TMEM40: variants seen among roughly 807,000 people sequenced by gnomAD.
TMEM40 encodes transmembrane protein 40.
In TMEM40, 34 loss-of-function variants were observed where a neutral mutation model predicts 40.8. The observed-to-expected ratio is 0.83, with a 90% CI of 0.63 to 1.11. TMEM40 has a LOEUF of 1.11. Among genes scored for constraint, TMEM40 ranks in the 50% least tolerant of loss-of-function variants. TMEM40 has a pLI of 0.00. For missense variants in TMEM40, 296 were observed against 280.2 expected (o/e 1.06, Z -0.40); for synonymous variants, 106 against 107.0 (o/e 0.99, Z 0.06).
At chr3:12,742,349 G>A in intron 5 of TMEM40, 105 bp downstream of exon 5, 1 of 1,366,116 alleles carries the variant, frequency 7.3e-7, no homozygotes, top group Non-Finnish European at 1.0e-6. Flanking sequence ...ATTTGGCTGG[G>A]ACTTTTCAGC....
rs1196357619 is a variant in TMEM40, at chr3:12,734,011, C to T, written c.*763G>A. On this transcript the variant is annotated 3_prime_UTR_variant, in exon 12 of 12. Transcript: ENST00000314124. Reference sequence around the variant, plus strand: ...CCCTGAACTCCTGGGCTCAAGCAGTCCTCCTGCCTCAGCCTCTTGAGTAGC... The same window carrying T: ...CCCTGAACTCCTGGGCTCAAGCAGTTCTCCTGCCTCAGCCTCTTGAGTAGC... 1 of 151,672 alleles carries T rather than the reference C, an allele frequency of 6.6e-6. No homozygotes were observed. The highest frequency in any genetic ancestry group is 2.4e-5 in the African/African-American group (1 of 41,210). The allele number at this position is 151,672 out of a possible 1,614,324, so 9.4% of individuals were successfully genotyped here.
chr3:12,737,862 G>T, intron 7 of TMEM40, 108 bp from the exon 8 acceptor site: 1 of 1,190,656 alleles, frequency 8.4e-7, no homozygotes, highest in Non-Finnish European at 1.2e-6. Context: ...ATCTTCCTGG[G>T]TCAGAGGGCA....
intron 4 of TMEM40, 142 bp from the exon 5 acceptor site, chr3:12,742,649 G>C (rs1489084316): frequency 1.1e-6 from 1 of 888,530 alleles, no homozygotes; most frequent in Admixed American, 2.3e-5. Context: ...AGGAGGCAAG[G>C]CAGCACAAGT....
chr3:12,739,058 C>CGGGGTTTG lies in TMEM40; in HGVS notation c.356-471_356-470insCAAACCCC, dbSNP rs1215282319. On this transcript the variant is annotated intron_variant, in intron 5 of 11. Transcript: ENST00000314124. ...GTCCCAGCTACTCGGGAGGCTGAGA[C>CGGGGTTTG]AGGATAATCGCTCAAACCCAGGAGA... is the stretch of plus-strand genomic sequence containing the variant. 449 of 163,448 alleles carry CGGGGTTTG rather than the reference C, an allele frequency of 2.7e-3. 1 individual carries two copies. The highest frequency in any genetic ancestry group is 3.1e-3 in the Non-Finnish European group (233 of 74,394). The allele number at this position is 163,448 out of a possible 1,614,324, so 10.1% of individuals were successfully genotyped here.
rs1456841293 is a variant in TMEM40 at position 12,759,208 on chromosome 3, G to C, written c.-26C>G. On this transcript the variant is annotated 5_prime_UTR_variant, in exon 1 of 12. Transcript: ENST00000314124. ...CCCATTACCTGTGGTCCTTCAGCTT[G>C]TCTGGGCAGCAAGGGGAGCTCTGTG... is the stretch of plus-strand genomic sequence containing the variant. 6.6e-6 allele frequency: 1 copy of C among 152,502 alleles called. No individual in the cohort carries two copies. Among genetic ancestry groups the C allele is most frequent in the African/African-American group, 2.4e-5 (1 of 41,452 alleles). The allele number at this position is 152,502 out of a possible 1,614,324, so 9.4% of individuals were successfully genotyped here.
upstream of TMEM40, among the ~76,000 whole-genome samples, chr3:12,762,109 T>C (rs1410201634): frequency 6.6e-6 from 1 of 152,050 alleles, no homozygotes; most frequent in African/African-American, 2.4e-5. Flanking sequence ...ACTACAGGTG[T>C]GCACCACCAT....
At chr3:12,739,433 C>T (rs1440638126) in intron 5 of TMEM40, among the ~76,000 whole-genome samples, 3 of 151,978 alleles carry the variant, frequency 2.0e-5, no homozygotes, top group Admixed American at 1.3e-4. Context: ...TACAGGCGCC[C>T]GCCACCACGC....
intron 3 of TMEM40, 63 bp downstream of exon 3, chr3:12,748,592 G>A: frequency 1.3e-6 from 2 of 1,562,708 alleles, no homozygotes; most frequent in Non-Finnish European, 1.7e-6. Flanking sequence ...AAGTATGGGG[G>A]ATTATTTCCC....
chr3:12,756,464 G>A (rs1296061930), intron 1 of TMEM40, among the ~76,000 whole-genome samples: 1 of 152,158 alleles, frequency 6.6e-6, no homozygotes, highest in Non-Finnish European at 1.5e-5. Context: ...CTGGTTTGGG[G>A]TTTTTGGGTC....
intron 1 of TMEM40, among the ~76,000 whole-genome samples, chr3:12,756,654 A>G (rs1195050449): frequency 2.0e-5 from 3 of 152,058 alleles, no homozygotes; most frequent in Non-Finnish European, 4.4e-5. Flanking sequence ...TGAGTCAAAC[A>G]CCAAAGCACC....
intron 3 of TMEM40, 70 bp from the exon 4 acceptor site, chr3:12,744,059 T>G: frequency 3.4e-6 from 5 of 1,480,424 alleles, no homozygotes; most frequent in Non-Finnish European, 4.6e-6. Flanking sequence ...TTCATTCTGG[T>G]GGCCATTCTC....
intron 1 of TMEM40, among the ~76,000 whole-genome samples, chr3:12,765,575 T>G (rs1007940854): frequency 1.3e-5 from 2 of 151,274 alleles, no homozygotes; most frequent in African/African-American, 4.9e-5. Flanking sequence ...ACTTTTTTTT[T>G]TTTTTTTTTT....
At chr3:12,754,487 A>T (rs1031174012) in intron 1 of TMEM40, among the ~76,000 whole-genome samples, 1 of 152,266 alleles carries the variant, frequency 6.6e-6, no homozygotes, top group Non-Finnish European at 1.5e-5. Context: ...AGCACATAGT[A>T]GGTGCACAAC....
At chr3:12,738,462 A>C in intron 6 of TMEM40, 91 bp downstream of exon 6, 1 of 1,435,254 alleles carries the variant, frequency 7.0e-7, no homozygotes, top group Non-Finnish European at 9.8e-7. Context: ...CAGGTATCCC[A>C]ACAGGTGCTG....
At chr3:12,748,936 C>T (rs934824950) in intron 2 of TMEM40, 144 bp from the exon 3 acceptor site, 6 of 704,246 alleles carry the variant, frequency 8.5e-6, no homozygotes, top group South Asian at 2.0e-5. Flanking sequence ...GCCAATGCAA[C>T]ATGCAGGAGA....
chr3:12,746,144 C>T (rs56670450), intron 3 of TMEM40, among the ~76,000 whole-genome samples: 6,260 of 152,030 alleles, frequency 0.041, 385 homozygotes, highest in African/African-American at 0.13. Context: ...GTGATCTGCC[C>T]GCCTCGGCCT....
upstream of TMEM40, among the ~76,000 whole-genome samples, chr3:12,761,766 G>A (rs1438454525): frequency 2.0e-5 from 3 of 152,110 alleles, no homozygotes; most frequent in African/African-American, 7.2e-5. Context: ...TCTGCTGTCC[G>A]AACAGTAGCC....
chr3:12,758,069 T>TA (rs34019582), intron 1 of TMEM40, among the ~76,000 whole-genome samples: 128 of 139,256 alleles, frequency 9.2e-4, no homozygotes, highest in South Asian at 2.8e-3. Flanking sequence ...ATCTGTTATT[T>TA]AAAAAAAAAA....
chr3:12,740,526 C>G (rs1313430423), intron 5 of TMEM40, among the ~76,000 whole-genome samples: 1 of 149,348 alleles, frequency 6.7e-6, no homozygotes, highest in Non-Finnish European at 1.5e-5. Context: ...ACGGTGAAAC[C>G]CCATCTCTAC....
Sources: gnomAD v4.1 joint callset for allele counts (sites outside exome capture counted in the v4.1 genomes callset) on GRCh38, gnomAD v4.1.1 for gene constraint, MANE v1.5 for transcripts, NCBI Gene and HGNC (gene_info 2026-07-23, HGNC 2026-07-21) for gene names.